The following CNTNAP3B variants were observed in gnomAD, a reference collection of about 807,000 sequenced individuals.
CNTNAP3B encodes the protein contactin associated protein family member 3B.
A neutral mutation model predicts 108.9 loss-of-function variants in CNTNAP3B; 25 were observed. The ratio of observed to expected loss-of-function variants is 0.23; its 90% confidence interval spans 0.17 to 0.32. The LOEUF is 0.32. Among genes scored for constraint, CNTNAP3B ranks in the 10% least tolerant of loss-of-function variants. CNTNAP3B has a pLI of 1.00. For synonymous variants in CNTNAP3B, 103 were observed against 473.4 expected (o/e 0.22, Z 10.16); for missense variants, 252 against 1,210.4 (o/e 0.21, Z 11.75).
Position 42,044,622 on chromosome 9 carries a change from G to A in CNTNAP3B, c.391-31097C>T, listed in dbSNP as rs1251462132. Among the ~76,000 whole-genome samples the A allele has an allele frequency of 3.0e-4, 43 of 143,670 alleles. No individual in the cohort carries two copies. The East Asian group carries it at 3.7e-3, about 12-fold the overall frequency. The allele number at this position is 143,670 out of a possible 152,430, so 94.3% of individuals were successfully genotyped here. On this transcript the variant is annotated intron_variant, in intron 3 of 23. Transcript: ENST00000377561. Reference sequence around the variant, plus strand: ...GTTTACACGACTCCTGAGGACAACCGACTCAGACGGGGTCCGAAGAAATTC... The same window carrying A: ...GTTTACACGACTCCTGAGGACAACCAACTCAGACGGGGTCCGAAGAAATTC...
At chr9:41,963,824 T>C (rs569050302) in intron 11 of CNTNAP3B, among the ~76,000 whole-genome samples, 7 of 152,418 alleles carry the variant, frequency 4.6e-5, no homozygotes, top group African/African-American at 1.2e-4. Flanking sequence ...CCTCTTTCTG[T>C]CCTCAACTCT....
Position 42,095,741 on chromosome 9 carries a change from G to A in CNTNAP3B, c.196+8888C>T, listed in dbSNP as rs1012459865. On this transcript the variant is annotated intron_variant, in intron 2 of 23. Transcript: ENST00000377561. ...AGTTAAGGGATAAGCCTGTCAGTTC[G>A]TGTCTGTATTGGTCGCAGACCCTTG... is the stretch of plus-strand genomic sequence containing the variant. Among the ~76,000 whole-genome samples the A allele has an allele frequency of 1.6e-4, 22 of 138,320 alleles. 2 individuals are homozygous for A. The highest frequency in any genetic ancestry group is 4.4e-4 in the East Asian group (2 of 4,566). 90.7% of individuals were successfully genotyped at this position (138,320 alleles called of 152,430 possible). A position where few individuals can be genotyped will look rare whatever the true frequency, so the allele number is the denominator to read the frequency against.
At chr9:42,061,396 C>A (rs112610342) in intron 3 of CNTNAP3B, among the ~76,000 whole-genome samples, 13 of 85,246 alleles carry the variant, frequency 1.5e-4, no homozygotes, top group African/African-American at 6.2e-4. Context: ...TGGCTCACTG[C>A]AATCTCTACC....
intron 2 of CNTNAP3B, among the ~76,000 whole-genome samples, chr9:42,082,923 C>A (rs914917033): frequency 7.2e-6 from 1 of 139,210 alleles, no homozygotes. Flanking sequence ...AAAGCAAGAT[C>A]CAACTATATG....
intron 3 of CNTNAP3B, among the ~76,000 whole-genome samples, chr9:42,042,571 C>T (rs1057272202): frequency 1.5e-4 from 19 of 130,392 alleles, no homozygotes; most frequent in Non-Finnish European, 1.9e-4. Context: ...TATAGTATAA[C>T]GACTATTTTT....
At chr9:42,107,767 A>T (rs1828111035) in intron 1 of CNTNAP3B, among the ~76,000 whole-genome samples, 1 of 137,132 alleles carries the variant, frequency 7.3e-6, no homozygotes, top group South Asian at 2.4e-4. Flanking sequence ...CAAGGTCAGG[A>T]GATCGAGACC....
intron 3 of CNTNAP3B, among the ~76,000 whole-genome samples, chr9:42,070,543 A>C (rs1827351534): frequency 7.0e-6 from 1 of 142,918 alleles, no homozygotes; most frequent in South Asian, 2.2e-4. Context: ...GTAGCTACCC[A>C]GCCACACCCT....
At chr9:41,944,881 G>A (rs1403664532) in intron 13 of CNTNAP3B, among the ~76,000 whole-genome samples, 3 of 152,236 alleles carry the variant, frequency 2.0e-5, no homozygotes, top group Non-Finnish European at 2.9e-5. Flanking sequence ...CTGACAAAGG[G>A]CTAATATCCA....
chr9:42,054,915 C>T (rs1827033794), intron 3 of CNTNAP3B, among the ~76,000 whole-genome samples: 1 of 147,506 alleles, frequency 6.8e-6, no homozygotes, highest in Non-Finnish European at 1.5e-5. Flanking sequence ...TGTTCCTTCG[C>T]ATTTGAAAGC....
chr9:41,952,419 A>T (rs1824716461), intron 13 of CNTNAP3B, among the ~76,000 whole-genome samples: 1 of 152,250 alleles, frequency 6.6e-6, no homozygotes, highest in South Asian at 2.1e-4. Context: ...AAACTAAAAA[A>T]ATGAAAGGTA....
intron 11 of CNTNAP3B, among the ~76,000 whole-genome samples, chr9:41,964,139 C>G (rs1587154291): frequency 6.6e-6 from 1 of 152,302 alleles, no homozygotes. Flanking sequence ...GTAACATTGA[C>G]AGCCTGGCAA....
At chr9:42,030,574 G>T (rs1826495928) in intron 3 of CNTNAP3B, among the ~76,000 whole-genome samples, 1 of 55,064 alleles carries the variant, frequency 1.8e-5, no homozygotes, top group Non-Finnish European at 3.5e-5. Context: ...CTTGTGCCAG[G>T]TTCCTTCCAT....
At chr9:41,969,587 T>TA (rs549066144) in intron 10 of CNTNAP3B, among the ~76,000 whole-genome samples, 1 of 151,758 alleles carries the variant, frequency 6.6e-6, no homozygotes, top group Non-Finnish European at 1.5e-5. Context: ...TACTATCATT[T>TA]AAAAAATGCT....
At chr9:41,935,794 T>A (rs1824139279) in intron 14 of CNTNAP3B, among the ~76,000 whole-genome samples, 3 of 152,288 alleles carry the variant, frequency 2.0e-5, no homozygotes, top group Admixed American at 1.3e-4. Flanking sequence ...GGAGTTAATT[T>A]TTAAAACCTG....
intron 10 of CNTNAP3B, among the ~76,000 whole-genome samples, chr9:41,966,698 TG>T (rs1214375903): frequency 2.6e-5 from 4 of 152,368 alleles, no homozygotes; most frequent in Admixed American, 2.6e-4. Flanking sequence ...CTGGGTGTGG[TG>T]GCTCACGCCT....
At chr9:42,115,505 G>C (rs1587283807) in intron 1 of CNTNAP3B, among the ~76,000 whole-genome samples, 4 of 139,416 alleles carry the variant, frequency 2.9e-5, no homozygotes, top group Admixed American at 2.9e-4. Context: ...GTGCCCCTCT[G>C]AGACGAAGCT....
intron 12 of CNTNAP3B, among the ~76,000 whole-genome samples, chr9:41,955,057 T>A (rs1423134532): frequency 2.7e-5 from 4 of 150,900 alleles, no homozygotes; most frequent in Non-Finnish European, 4.4e-5. Flanking sequence ...AGTTTTCCTA[T>A]CAACTGAATC....
intron 3 of CNTNAP3B, among the ~76,000 whole-genome samples, chr9:42,041,750 A>T (rs1221542929): frequency 2.2e-5 from 3 of 139,098 alleles, no homozygotes; most frequent in Non-Finnish European, 4.6e-5. Flanking sequence ...ATATACCCAG[A>T]GGATTATAAA....
chr9:41,928,498 C>T (rs560568696), intron 15 of CNTNAP3B, among the ~76,000 whole-genome samples: 19 of 152,206 alleles, frequency 1.2e-4, no homozygotes, highest in African/African-American at 3.4e-4. Context: ...TACTTAGCTG[C>T]CTACACGATT....
Sources: gnomAD v4.1 joint callset for allele counts (sites outside exome capture counted in the v4.1 genomes callset) on GRCh38, gnomAD v4.1.1 for gene constraint, MANE v1.5 for transcripts, NCBI Gene and HGNC (gene_info 2026-07-23, HGNC 2026-07-21) for gene names.